Variants in RSBN1 observed in about 807,000 individuals in gnomAD.
RSBN1 encodes round spermatid basic protein 1.
In RSBN1, 23 loss-of-function variants were observed where a neutral mutation model predicts 74.8. The ratio of observed to expected loss-of-function variants is 0.31; its 90% CI spans 0.22 to 0.44. The LOEUF (loss-of-function observed/expected upper bound fraction) is 0.44. RSBN1 is among the 20% of genes least tolerant of loss of function. The probability of loss-of-function intolerance (pLI) is 1.00; values close to 1 mark genes in which losing one functional copy is unlikely to be tolerated. For synonymous variants in RSBN1, 407 were observed against 379.6 expected (o/e 1.07, Z -0.84); for missense variants, 808 against 1,020.9 (o/e 0.79, Z 2.84).
At chr1:113,803,566 A>G (rs946473607) in intron 1 of RSBN1, among the ~76,000 whole-genome samples, 18 of 152,368 alleles carry the variant, frequency 1.2e-4, no homozygotes, top group Non-Finnish European at 2.1e-4. Context: ...TAGTGTGCAG[A>G]GTAAATGAAA....
chr1:113,802,236 A>G (rs915407076), intron 1 of RSBN1, among the ~76,000 whole-genome samples: 2 of 152,070 alleles, frequency 1.3e-5, no homozygotes, highest in Admixed American at 6.6e-5. Context: ...GATTACAGGC[A>G]TAAGCCACCA....
At position 113,763,004 on chromosome 1, in the gene RSBN1, A is replaced by G. The variant is rs987298906; in HGVS notation, c.*2976T>C. ...ACTGAATAAGCAAATTAAAGGTACA[A>G]TTAAACCTAGGAACCAATTTTTAGA... On this transcript the variant is annotated 3_prime_UTR_variant, in exon 7 of 7. Transcript: ENST00000261441. The G allele has an allele frequency of 6.5e-6, 1 of 152,774 alleles. No individual in the cohort carries two copies. The highest frequency in any genetic ancestry group is 2.4e-5 in the African/African-American group (1 of 41,468). The allele number at this position is 152,774 out of a possible 1,614,324, so 9.5% of individuals were successfully genotyped here. A position where few individuals can be genotyped will look rare whatever the true frequency, so the allele number is the denominator to read the frequency against.
At chr1:113,783,689 G>A (rs948571357) in intron 2 of RSBN1, among the ~76,000 whole-genome samples, 9 of 152,164 alleles carry the variant, frequency 5.9e-5, no homozygotes, top group Non-Finnish European at 1.2e-4. Flanking sequence ...TTATAAGGAA[G>A]TGGCTTGCCC....
At chr1:113,768,514 A>C in intron 4 of RSBN1, 125 bp from the exon 5 acceptor site, 1 of 610,226 alleles carries the variant, frequency 1.6e-6, no homozygotes, top group Admixed American at 3.1e-5. Context: ...ATGAGGACTG[A>C]GAAGGGTTCA....
rs1660884526 is a variant in RSBN1 at position 113,812,237 on chromosome 1, A to C, written c.176T>G (p.Val59Gly). The C allele has an allele frequency of 2.5e-6, 4 of 1,606,234 alleles. No individual in the cohort carries two copies. The highest frequency in any genetic ancestry group is 1.7e-5 in the Admixed American group (1 of 59,996). ...CTCCTCCTGCGCCGCCACCGCCCGTACTACGCGCACCGCTCCGACCTGCGC... is the reference window on the plus strand; with the variant it reads ...CTCCTCCTGCGCCGCCACCGCCCGTCCTACGCGCACCGCTCCGACCTGCGC... ...MAAQVGAVRVVRAVAAQEEPD... is the reference protein window; with the variant it reads ...MAAQVGAVRVGRAVAAQEEPD... Residue 59 changes from valine to glycine, a missense_variant, in exon 1 of 7, where the codon GTA (valine) becomes GGA (glycine). This residue lies in a region of RSBN1 where 464 missense variants were observed against 401.0 expected (regional missense o/e 1.16). Coordinates refer to ENST00000261441, the MANE Select transcript of RSBN1 (RefSeq NM_018364.5).
At chr1:113,771,124 G>A (rs1464330706) in intron 4 of RSBN1, among the ~76,000 whole-genome samples, 4 of 151,966 alleles carry the variant, frequency 2.6e-5, no homozygotes, top group Admixed American at 6.5e-5. Flanking sequence ...CTATAAGCTT[G>A]CAGACAAGAA....
chr1:113,809,543 T>C (rs114725603), intron 1 of RSBN1, among the ~76,000 whole-genome samples: 1 of 152,356 alleles, frequency 6.6e-6, no homozygotes, highest in African/African-American at 2.4e-5. Context: ...ACTTTTAAAA[T>C]GCCAGTTTGC....
chr1:113,793,866 C>A (rs1334219814), intron 2 of RSBN1, among the ~76,000 whole-genome samples: 3 of 151,994 alleles, frequency 2.0e-5, no homozygotes, highest in African/African-American at 7.2e-5. Context: ...GGGGTTTCAC[C>A]ACTTTGACCA....
intron 2 of RSBN1, among the ~76,000 whole-genome samples, chr1:113,790,517 T>A (rs1485401915): frequency 1.3e-5 from 2 of 152,094 alleles, no homozygotes; most frequent in Non-Finnish European, 2.9e-5. Context: ...ACAGATAAAG[T>A]TTAAATAGTA....
At chr1:113,793,349 ATTCAAT>A (rs1013646052) in intron 2 of RSBN1, among the ~76,000 whole-genome samples, 1 of 152,208 alleles carries the variant, frequency 6.6e-6, no homozygotes, top group Non-Finnish European at 1.5e-5. Context: ...CATGTCTCCA[ATTCAAT>A]TCCTAATTGA....
At chr1:113,799,008 T>C (rs1383516306) in intron 1 of RSBN1, among the ~76,000 whole-genome samples, 3 of 152,190 alleles carry the variant, frequency 2.0e-5, no homozygotes, top group African/African-American at 7.2e-5. Context: ...ATACTCTGTG[T>C]TATTAACATT....
At position 113,765,326 on chromosome 1, in the gene RSBN1, G is replaced by C. The variant is rs532552591; in HGVS notation, c.*654C>G. On this transcript the variant is annotated 3_prime_UTR_variant, in exon 7 of 7. Coordinates refer to ENST00000261441, the MANE Select transcript of RSBN1 (RefSeq NM_018364.5). ...AATGACCAAGGACTATTCATCTTTA[G>C]ATTTTTTTTTTAATTGAAATATCCA... 1 of 152,180 alleles carries C rather than the reference G, an allele frequency of 6.6e-6. No individual in the cohort carries two copies. Among genetic ancestry groups the C allele is most frequent in the East Asian group, 1.9e-4 (1 of 5,326 alleles). The allele number at this position is 152,180 out of a possible 1,614,324, so 9.4% of individuals were successfully genotyped here.
In RSBN1 at chr1:113,806,324, C is replaced by A. The variant is rs184768826; in HGVS notation, c.703+5386G>T. On this transcript the variant is annotated intron_variant, in intron 1 of 6. Coordinates refer to ENST00000261441, the MANE Select transcript of RSBN1 (RefSeq NM_018364.5). ...CACTCCAGCCTGGCACAGAGCGAGA[C>A]TCTGTCTCAAAAAAAAAAAAAAAAT... Among the ~76,000 whole-genome samples, 191 of 148,968 alleles carry A rather than the reference C, an allele frequency of 1.3e-3. 3 individuals carry two copies. The highest frequency in any genetic ancestry group is 0.013 in the Admixed American group (189 of 14,946).
chr1:113,780,328 C>G (rs895565166), intron 2 of RSBN1, among the ~76,000 whole-genome samples: 15 of 152,192 alleles, frequency 9.9e-5, no homozygotes, highest in African/African-American at 3.4e-4. Flanking sequence ...GGAATTCATA[C>G]TACTTTAAAT....
chr1:113,796,807 T>C (rs565679074), intron 2 of RSBN1, among the ~76,000 whole-genome samples: 179 of 152,202 alleles, frequency 1.2e-3, no homozygotes, highest in Non-Finnish European at 2.2e-3. Flanking sequence ...TAGCTGCCCA[T>C]GCAAGGCTTC....
rs993373221 is a variant in RSBN1, at chr1:113,765,990, G to A, written c.2399C>T (p.Thr800Ile). Reference sequence around the variant, plus strand: ...TTGAATATGTACATATCACACAGAAGTGGTTGAATGTTCTTGCAGATTGTG... The same window carrying A: ...TTGAATATGTACATATCACACAGAAATGGTTGAATGTTCTTGCAGATTGTG... Reference protein sequence around the residue: ...QQHNLQEHSTTSV With the variant: ...QQHNLQEHSTISV Residue 800 changes from threonine to isoleucine, a missense_variant, in exon 7 of 7, where the codon ACT becomes ATT. Coordinates refer to ENST00000261441, the MANE Select transcript of RSBN1 (RefSeq NM_018364.5). The A allele has an allele frequency of 1.2e-6, 2 of 1,611,302 alleles. No individual in the cohort carries two copies. Among genetic ancestry groups the A allele is most frequent in the African/African-American group, 2.7e-5 (2 of 74,996 alleles).
At chr1:113,784,252 C>T (rs1660195874) in intron 2 of RSBN1, among the ~76,000 whole-genome samples, 1 of 152,108 alleles carries the variant, frequency 6.6e-6, no homozygotes, top group South Asian at 2.1e-4. Context: ...CATGTGTCAC[C>T]TAATGACAGA....
rs764410365 is a variant in RSBN1, at chr1:113,766,236, G to C, written c.2153C>G (p.Ser718Cys). The change falls in exon 7 of 7, where the codon TCT becomes TGT. Residue 718 changes from serine (S) to cysteine (C), a missense_variant. Ser to Cys is a moderately radical substitution (Grantham distance 112). Coordinates refer to ENST00000261441, the MANE Select transcript of RSBN1 (RefSeq NM_018364.5). Reference sequence around the variant, plus strand: ...TCCAGTTAAACCACAGTCCATGTTAGAATTGCTTTCTGTGTTTTGAGTGGC... The same window carrying C: ...TCCAGTTAAACCACAGTCCATGTTACAATTGCTTTCTGTGTTTTGAGTGGC... ...VEATQNTESN[S>C]NMDCGLTGKR... 11 of 1,614,068 alleles carry C rather than the reference G, an allele frequency of 6.8e-6. No homozygotes were observed. The highest frequency in any genetic ancestry group is 1.6e-4 in the Middle Eastern group (1 of 6,062).
At chr1:113,777,083 A>AGGAACC (rs1660047933) in intron 4 of RSBN1, 127 bp downstream of exon 4, 1 of 755,694 alleles carries the variant, frequency 1.3e-6, no homozygotes, top group Non-Finnish European at 2.1e-6. Flanking sequence ...GACTGAAAAG[A>AGGAACC]GGAACCGACA....
Sources: allele counts gnomAD v4.1 joint callset (sites outside exome capture counted in the v4.1 genomes callset), GRCh38; gene constraint gnomAD v4.1.1; regional missense constraint gnomAD v4.1.1; transcripts MANE v1.5; gene names NCBI Gene and HGNC (gene_info 2026-07-23, HGNC 2026-07-21).